GAS7: variants seen among roughly 807,000 people sequenced by gnomAD.
GAS7 encodes the protein growth arrest specific 7.
A neutral mutation model predicts 71.1 loss-of-function variants in GAS7; 28 were observed. The ratio of observed to expected loss-of-function variants is 0.39; its 90% CI spans 0.29 to 0.54. GAS7 has a LOEUF of 0.54. Among genes scored for constraint, GAS7 ranks in the 20% least tolerant of loss-of-function variants. The pLI, the probability that GAS7 is intolerant of heterozygous loss-of-function variation, is 0.62. For missense variants in GAS7, 436 were observed against 627.8 expected (o/e 0.69, Z 3.27); for synonymous variants, 258 against 245.8 (o/e 1.05, Z -0.46).
intron 5 of GAS7, among the ~76,000 whole-genome samples, chr17:9,955,833 G>A (rs555676667): frequency 5.3e-5 from 8 of 152,066 alleles, no homozygotes; most frequent in South Asian, 2.1e-4. Context: ...ACAAAGCCGC[G>A]TCTTCGCTCT....
intron 1 of GAS7, among the ~76,000 whole-genome samples, chr17:10,153,492 G>A (rs2074182634): frequency 6.7e-6 from 1 of 148,676 alleles, no homozygotes; most frequent in East Asian, 2.0e-4. Context: ...CTCCAGCCTG[G>A]GTGACAGAGT....
chr17:10,095,048 C>A (rs2073626866), intron 1 of GAS7, among the ~76,000 whole-genome samples: 1 of 152,178 alleles, frequency 6.6e-6, no homozygotes, highest in African/African-American at 2.4e-5. Context: ...GGCTCTGGAA[C>A]CAGATGGCCT....
chr17:10,058,275 C>CA (rs200357459), intron 1 of GAS7, among the ~76,000 whole-genome samples: 3,364 of 150,700 alleles, frequency 0.022, 111 homozygotes, highest in African/African-American at 0.077. Flanking sequence ...AAAACAAAAA[C>CA]AAAACAAAAC....
At chr17:10,121,766 A>G (rs892392476) in intron 1 of GAS7, among the ~76,000 whole-genome samples, 67 of 152,292 alleles carry the variant, frequency 4.4e-4, no homozygotes, top group African/African-American at 1.6e-3. Flanking sequence ...ACCACCAAGC[A>G]TGCTTCCCTG....
intron 1 of GAS7, among the ~76,000 whole-genome samples, chr17:10,110,764 G>A (rs1440561672): frequency 2.0e-5 from 3 of 152,140 alleles, no homozygotes; most frequent in South Asian, 2.1e-4. Context: ...GAGCCACTGC[G>A]CCCAGCCAGA....
At chr17:10,170,561 C>T (rs1050665565) in intron 1 of GAS7, among the ~76,000 whole-genome samples, 12 of 152,206 alleles carry the variant, frequency 7.9e-5, no homozygotes, top group Admixed American at 3.3e-4. Context: ...CTAATGAGAC[C>T]TTCTCTGCCC....
At chr17:10,123,736 C>T (rs1375201416) in intron 1 of GAS7, among the ~76,000 whole-genome samples, 3 of 152,340 alleles carry the variant, frequency 2.0e-5, no homozygotes, top group Non-Finnish European at 2.9e-5. Context: ...CAGGAATAGA[C>T]ACCAGTGGCT....
chr17:10,136,029 A>C (rs948461964), intron 1 of GAS7, among the ~76,000 whole-genome samples: 2 of 152,192 alleles, frequency 1.3e-5, no homozygotes, highest in African/African-American at 4.8e-5. Flanking sequence ...GCTCGGAACA[A>C]CACCAAGGAC....
chr17:10,093,689 G>A (rs985525733), intron 1 of GAS7, among the ~76,000 whole-genome samples: 1 of 152,058 alleles, frequency 6.6e-6, no homozygotes, highest in Non-Finnish European at 1.5e-5. Flanking sequence ...TGTTATGCGG[G>A]GAAAAAATCA....
In GAS7 at chr17:10,198,246, G is replaced by A. The variant is rs374189365; in HGVS notation, c.145C>T (p.Arg49Cys). ...ACGTAGCTCGCCGGGAACCAGCCACGGAGCCCGTCCTCCTTCTCGCCTTCC... is the reference window on the plus strand; with the variant it reads ...ACGTAGCTCGCCGGGAACCAGCCACAGAGCCCGTCCTCCTTCTCGCCTTCC... ...WWEGEKEDGL[R>C]GWFPASYVQL... The change falls in exon 1 of 14, where the codon CGT becomes TGT. Residue 49 changes from arginine (R) to cysteine (C), a missense_variant. By Grantham distance (180) the Arg-to-Cys change is radical (BLOSUM62 -3). Coordinates refer to ENST00000432992, the MANE Select transcript of GAS7 (RefSeq NM_201433.2). The A allele has an allele frequency of 1.8e-5, 29 of 1,607,678 alleles. No individual in the cohort carries two copies. Among genetic ancestry groups the A allele is most frequent in the East Asian group, 2.2e-5 (1 of 44,824 alleles).
At chr17:9,930,218 G>T (rs550079763) in intron 9 of GAS7, among the ~76,000 whole-genome samples, 2 of 152,370 alleles carry the variant, frequency 1.3e-5, no homozygotes, top group Admixed American at 6.5e-5. Flanking sequence ...AGATGTGTGT[G>T]AATGTCTGTG....
chr17:9,932,979 T>A (rs1174752678), intron 9 of GAS7, among the ~76,000 whole-genome samples: 1 of 152,054 alleles, frequency 6.6e-6, no homozygotes. Context: ...AACACCAGCC[T>A]GGCCAACACG....
intron 1 of GAS7, among the ~76,000 whole-genome samples, chr17:10,152,683 G>T (rs753777072): frequency 1.3e-5 from 2 of 152,146 alleles, no homozygotes; most frequent in Non-Finnish European, 2.9e-5. Context: ...AGCCTTCAAG[G>T]CCTCTCTATA....
chr17:10,056,893 G>A (rs1170457331), intron 1 of GAS7, among the ~76,000 whole-genome samples: 10 of 152,006 alleles, frequency 6.6e-5, no homozygotes. Context: ...CTCCCTGCCT[G>A]ATTCTCCTGC....
chr17:10,124,790 C>T lies in GAS7; in HGVS notation c.183+73418G>A, dbSNP rs1449593011. Among the ~76,000 whole-genome samples, 10 of 152,154 alleles carry T rather than the reference C, an allele frequency of 6.6e-5. No homozygotes were observed. In the South Asian group the frequency reaches 1.7e-3, roughly 25 times the overall value. On this transcript the variant is annotated intron_variant, in intron 1 of 13. Coordinates refer to ENST00000432992, the MANE Select transcript of GAS7 (RefSeq NM_201433.2). ...AAAATTAGCTGAGCATGGTGGTGCG[C>T]ACCTGTAATCCCAGCTACTCAGGAG...
rs571711673 is a variant in GAS7 at position 10,110,173 on chromosome 17, T to TA, written c.183+88034dup. On this transcript the variant is annotated intron_variant, in intron 1 of 13. Transcript: ENST00000432992. ...AAGTGTCCATCAATGGACAAGTGGATAAAAAAATGCGGTATATATACACCG... is the reference window on the plus strand; with the variant it reads ...AAGTGTCCATCAATGGACAAGTGGATAAAAAAAATGCGGTATATATACACCG... Among the ~76,000 whole-genome samples, 29 of 151,032 alleles carry TA rather than the reference T, an allele frequency of 1.9e-4. No homozygotes were observed. The South Asian group carries it at 2.1e-3, about 11-fold the overall frequency.
chr17:10,070,573 AG>A lies in GAS7; in HGVS notation c.184-50677del, dbSNP rs371681040. Among the ~76,000 whole-genome samples, 311 of 152,048 alleles carry A rather than the reference AG, an allele frequency of 2.0e-3. 1 individual carries two copies. Among genetic ancestry groups the A allele is most frequent in the African/African-American group, 7.1e-3 (295 of 41,484 alleles). On this transcript the variant is annotated intron_variant, in intron 1 of 13. Transcript: ENST00000432992. Reference sequence around the variant, plus strand: ...GAGACGGGGTTTCACCATGTTCGCCAGGCTGGTCTCGAACTCCTGACCTCTG... The same window carrying A: ...GAGACGGGGTTTCACCATGTTCGCCAGCTGGTCTCGAACTCCTGACCTCTG...
chr17:10,069,883 C>G (rs2073322014), intron 1 of GAS7, among the ~76,000 whole-genome samples: 1 of 152,184 alleles, frequency 6.6e-6, no homozygotes, highest in Non-Finnish European at 1.5e-5. Context: ...CCACAACAAA[C>G]ACCAAGCAAT....
At chr17:10,062,200 C>G (rs1191713902) in intron 1 of GAS7, among the ~76,000 whole-genome samples, 2 of 152,162 alleles carry the variant, frequency 1.3e-5, no homozygotes, top group Non-Finnish European at 2.9e-5. Flanking sequence ...AAAGTAAATT[C>G]TAGGCTGGGC....
Sources: gnomAD v4.1 joint callset for allele counts (sites outside exome capture counted in the v4.1 genomes callset) on GRCh38, gnomAD v4.1.1 for gene constraint, MANE v1.5 for transcripts, NCBI Gene and HGNC (gene_info 2026-07-23, HGNC 2026-07-21) for gene names.